The following HCN1 variants were observed in gnomAD, a reference collection of about 807,000 sequenced individuals.
HCN1 encodes the protein potassium/sodium hyperpolarization-activated cyclic nucleotide-gated channel 1.
A neutral mutation model predicts 78.9 loss-of-function variants in HCN1; 13 were observed. The observed-to-expected ratio is 0.16, with a 90% CI of 0.11 to 0.26. HCN1 has a LOEUF of 0.26. Among genes scored for constraint, HCN1 ranks in the 10% least tolerant of loss-of-function variants. HCN1 has a pLI of 1.00. For missense variants in HCN1, 810 were observed against 1,154.3 expected (o/e 0.70, Z 4.32); for synonymous variants, 552 against 455.5 (o/e 1.21, Z -2.70).
chr5:45,322,682 G>A (rs903204782), intron 5 of HCN1, among the ~76,000 whole-genome samples: 7 of 151,776 alleles, frequency 4.6e-5, no homozygotes, highest in African/African-American at 9.7e-5. Flanking sequence ...CCTGTCCCAC[G>A]AAGTCAAGTG....
At chr5:45,609,715 C>A (rs1468186935) in intron 2 of HCN1, among the ~76,000 whole-genome samples, 1 of 152,080 alleles carries the variant, frequency 6.6e-6, no homozygotes, top group Non-Finnish European at 1.5e-5. Flanking sequence ...TGAGGCAGCC[C>A]TTGCCCTCCA....
At chr5:45,536,874 G>A (rs1742977923) in intron 2 of HCN1, among the ~76,000 whole-genome samples, 1 of 152,174 alleles carries the variant, frequency 6.6e-6, no homozygotes, top group East Asian at 1.9e-4. Flanking sequence ...CCATAAGGTT[G>A]GCAGCAGGTA....
At chr5:45,496,195 C>G (rs983224970) in intron 2 of HCN1, among the ~76,000 whole-genome samples, 10 of 152,082 alleles carry the variant, frequency 6.6e-5, no homozygotes, top group Non-Finnish European at 1.3e-4. Context: ...CCTCCTTGTA[C>G]CTGTGGTAGA....
intron 5 of HCN1, among the ~76,000 whole-genome samples, chr5:45,351,588 C>G (rs1746904234): frequency 8.6e-6 from 1 of 115,628 alleles, no homozygotes; most frequent in Non-Finnish European, 1.6e-5. Context: ...AGTGAACAGG[C>G]AACCTACAAC....
chr5:45,600,193 A>T (rs977234814), intron 2 of HCN1, among the ~76,000 whole-genome samples: 6 of 151,994 alleles, frequency 3.9e-5, no homozygotes, highest in Admixed American at 1.3e-4. Context: ...TTACACACAC[A>T]CACGCACACA....
At position 45,562,490 on chromosome 5, in the gene HCN1, A is replaced by G. The variant is rs556840501; in HGVS notation, c.849+82695T>C. On this transcript the variant is annotated intron_variant, in intron 2 of 7. Coordinates refer to ENST00000303230, the MANE Select transcript of HCN1 (RefSeq NM_021072.4). ...AATTTGAGACCAGCTTGGCCAACAC[A>G]GTGAGACCCCATGTCTACAAAACAA... 2.0e-5 allele frequency among the ~76,000 whole-genome samples: 3 copies of G among 152,068 alleles called. No homozygotes were observed. The South Asian group carries it at 6.2e-4, about 32-fold the overall frequency.
intron 4 of HCN1, among the ~76,000 whole-genome samples, chr5:45,368,586 G>C (rs949191404): frequency 2.0e-5 from 3 of 151,802 alleles, no homozygotes; most frequent in Admixed American, 6.6e-5. Flanking sequence ...TTCTAGGCTA[G>C]ACTACTCCAT....
chr5:45,543,035 T>C (rs1743137005), intron 2 of HCN1, among the ~76,000 whole-genome samples: 1 of 152,134 alleles, frequency 6.6e-6, no homozygotes, highest in South Asian at 2.1e-4. Context: ...GAATAGAAGA[T>C]GGTCCCCAAA....
intron 6 of HCN1, among the ~76,000 whole-genome samples, chr5:45,291,216 C>T (rs1047667825): frequency 2.0e-5 from 3 of 152,030 alleles, no homozygotes; most frequent in Admixed American, 1.3e-4. Context: ...TAACTTTTCT[C>T]TCTCATATGG....
intron 2 of HCN1, among the ~76,000 whole-genome samples, chr5:45,477,520 T>A (rs1362155804): frequency 1.3e-5 from 2 of 152,066 alleles, no homozygotes; most frequent in Non-Finnish European, 2.9e-5. Context: ...GGTGAGCAGG[T>A]CCGGAAACCT....
chr5:45,417,240 T>C (rs1034394587), intron 3 of HCN1, among the ~76,000 whole-genome samples: 2 of 151,922 alleles, frequency 1.3e-5, no homozygotes, highest in Non-Finnish European at 2.9e-5. Flanking sequence ...GTACAACCAA[T>C]TAAACAAGTG....
intron 5 of HCN1, among the ~76,000 whole-genome samples, chr5:45,332,614 T>G (rs1334209120): frequency 5.3e-5 from 8 of 151,332 alleles, no homozygotes; most frequent in Non-Finnish European, 1.0e-4. Context: ...CCAGTAAGCA[T>G]CCCCACCTCC....
chr5:45,593,626 C>A (rs1744429827), intron 2 of HCN1, among the ~76,000 whole-genome samples: 4 of 141,294 alleles, frequency 2.8e-5, no homozygotes, highest in Admixed American at 7.5e-5. Context: ...TAAATGGCTA[C>A]AGCGGGGTAG....
chr5:45,609,063 G>A lies in HCN1; in HGVS notation c.849+36122C>T, dbSNP rs542987185. On this transcript the variant is annotated intron_variant, in intron 2 of 7. Coordinates refer to ENST00000303230, the MANE Select transcript of HCN1 (RefSeq NM_021072.4). ...CAAGTCAGAGTGGCAAAAATGAAAA[G>A]AAGACAGTATTATGTGTTTGAGAGG... 5.9e-5 allele frequency among the ~76,000 whole-genome samples: 9 copies of A among 152,124 alleles called. 1 individual carries two copies. The highest frequency in any genetic ancestry group is 2.0e-4 in the Admixed American group (3 of 15,240).
intron 7 of HCN1, among the ~76,000 whole-genome samples, chr5:45,263,066 T>A (rs989791349): frequency 1.3e-5 from 2 of 152,146 alleles, no homozygotes; most frequent in Middle Eastern, 3.4e-3. Context: ...ACAGAAGAAA[T>A]GGAGATATTT....
At chr5:45,409,952 G>T (rs1216499832) in intron 3 of HCN1, among the ~76,000 whole-genome samples, 2 of 151,664 alleles carry the variant, frequency 1.3e-5, no homozygotes, top group East Asian at 3.9e-4. Flanking sequence ...CTTGCCCAAG[G>T]TCTGATCTGG....
In HCN1 at chr5:45,351,265, AG is replaced by A. The variant is rs1227101301; in HGVS notation, c.1377+1834del. ...ATCTTTGACAAACCTGAGAAAAACA[AG>A]CAATGGGGAAAGGATTCCCTATTTA... On this transcript the variant is annotated intron_variant, in intron 5 of 7. Transcript: ENST00000303230. Among the ~76,000 whole-genome samples, 4 of 151,222 alleles carry A rather than the reference AG, an allele frequency of 2.6e-5. No individual in the cohort carries two copies. In the South Asian group the frequency reaches 8.4e-4, roughly 32 times the overall value.
intron 2 of HCN1, among the ~76,000 whole-genome samples, chr5:45,605,032 C>T (rs967660173): frequency 6.6e-6 from 1 of 151,934 alleles, no homozygotes; most frequent in Non-Finnish European, 1.5e-5. Context: ...ATTAACATTG[C>T]AGATTTTATA....
chr5:45,476,588 T>C (rs999883787), intron 2 of HCN1, among the ~76,000 whole-genome samples: 1 of 152,200 alleles, frequency 6.6e-6, no homozygotes, highest in African/African-American at 2.4e-5. Context: ...CTTCCCTGCA[T>C]GCTTTGGGAT....
Sources: allele counts gnomAD v4.1 joint callset (sites outside exome capture counted in the v4.1 genomes callset), GRCh38; gene constraint gnomAD v4.1.1; transcripts MANE v1.5; gene names NCBI Gene and HGNC (gene_info 2026-07-23, HGNC 2026-07-21).